The following GALNT18 variants were observed in gnomAD, a reference collection of about 807,000 sequenced individuals.
GALNT18 encodes the protein GalNAc-transferase 18.
Under a neutral mutation model 69.5 loss-of-function variants are expected in GALNT18, and 44 were observed. The observed-to-expected ratio is 0.63, with a 90% CI of 0.50 to 0.81. The LOEUF is 0.81. Among genes scored for constraint, GALNT18 ranks in the 40% least tolerant of loss-of-function variants. The pLI is 0.00. For missense variants in GALNT18, 715 were observed against 810.0 expected (o/e 0.88, Z 1.42); for synonymous variants, 364 against 318.2 (o/e 1.14, Z -1.53).
chr11:11,487,736 A>G (rs952646757), intron 1 of GALNT18, among the ~76,000 whole-genome samples: 1 of 152,182 alleles, frequency 6.6e-6, no homozygotes, highest in Non-Finnish European at 1.5e-5. Flanking sequence ...GCCATGCAAG[A>G]GCTCCAGGTA....
Position 11,483,569 on chromosome 11 carries a change from C to G in GALNT18, c.236-34633G>C, listed in dbSNP as rs146151654. Reference sequence around the variant, plus strand: ...CTGAAAATGTGCCCCCTACCCTGGCCCAGCCTGCTCCTGGCCATCCACACA... The same window carrying G: ...CTGAAAATGTGCCCCCTACCCTGGCGCAGCCTGCTCCTGGCCATCCACACA... On this transcript the variant is annotated intron_variant, in intron 1 of 10. Coordinates refer to ENST00000227756, the MANE Select transcript of GALNT18 (RefSeq NM_198516.3). Among the ~76,000 whole-genome samples the G allele has an allele frequency of 8.5e-4, 129 of 152,284 alleles. 1 individual carries two copies. The South Asian group carries it at 0.016, about 19-fold the overall frequency.
rs1554943800 is a variant in GALNT18 at position 11,497,748 on chromosome 11, T to TTA, written c.236-48813_236-48812insTA. ...AAATGTGTATGTGCATATACATATT[T>TTA]TCTATATATATATATATATACACAC... On this transcript the variant is annotated intron_variant, in intron 1 of 10. Transcript: ENST00000227756. This position sits in a 1 kb window ranked among gnomAD's most constrained non-coding sequence, Gnocchi z 4.2. 4.3e-5 allele frequency among the ~76,000 whole-genome samples: 2 copies of TTA among 46,944 alleles called. No individual in the cohort carries two copies. The highest frequency in any genetic ancestry group is 1.9e-3 in the South Asian group (2 of 1,044). 30.8% of individuals were successfully genotyped at this position (46,944 alleles called of 152,430 possible). A position where few individuals can be genotyped will look rare whatever the true frequency, so the allele number is the denominator to read the frequency against.
chr11:11,501,243 C>T (rs148018888), intron 1 of GALNT18, among the ~76,000 whole-genome samples: 41 of 152,172 alleles, frequency 2.7e-4, no homozygotes, highest in African/African-American at 8.9e-4. Context: ...ACAGCACCCT[C>T]GTGGTTTGTG....
At chr11:11,369,329 T>G (rs1445438077) in intron 6 of GALNT18, among the ~76,000 whole-genome samples, 1 of 152,230 alleles carries the variant, frequency 6.6e-6, no homozygotes, top group East Asian at 1.9e-4. Context: ...GGAAGGATCC[T>G]TCTTTGCCTG....
At chr11:11,522,233 C>T (rs560948639) in intron 1 of GALNT18, among the ~76,000 whole-genome samples, 10 of 152,298 alleles carry the variant, frequency 6.6e-5, no homozygotes, top group East Asian at 5.8e-4. Flanking sequence ...AGGTCAAACA[C>T]ACATCGGTCC....
At position 11,337,983 on chromosome 11, in the gene GALNT18, T is replaced by TTTTG. The variant is rs1554918272; in HGVS notation, c.1278+2835_1278+2836insCAAA. ...AAGATTTTTTTTTTTTTTTTTTTTT[T>TTTTG]GAGACAGTCTCGCTCTGTCACCCAG... On this transcript the variant is annotated intron_variant, in intron 7 of 10. Coordinates refer to ENST00000227756, the MANE Select transcript of GALNT18 (RefSeq NM_198516.3). This position sits in a 1 kb window ranked among gnomAD's most constrained non-coding sequence, Gnocchi z 4.9. Among the ~76,000 whole-genome samples, 1 of 136,396 alleles carries TTTTG rather than the reference T, an allele frequency of 7.3e-6. No homozygotes were observed. The highest frequency in any genetic ancestry group is 1.6e-5 in the Non-Finnish European group (1 of 62,832). 89.5% of individuals were successfully genotyped at this position (136,396 alleles called of 152,430 possible).
chr11:11,351,107 G>A (rs575762007), intron 6 of GALNT18, among the ~76,000 whole-genome samples: 18 of 152,260 alleles, frequency 1.2e-4, no homozygotes, highest in Admixed American at 3.9e-4. Flanking sequence ...GAAGGTGACC[G>A]CTTCCCAATT....
At chr11:11,345,884 G>T (rs2133061775) in intron 6 of GALNT18, among the ~76,000 whole-genome samples, 1 of 152,280 alleles carries the variant, frequency 6.6e-6, no homozygotes, top group African/African-American at 2.4e-5. Flanking sequence ...CACATACGAT[G>T]GTGAGGGCAT....
chr11:11,283,031 G>A (rs1849116510), intron 10 of GALNT18, among the ~76,000 whole-genome samples: 1 of 152,178 alleles, frequency 6.6e-6, no homozygotes, highest in Admixed American at 6.5e-5. Context: ...GCAAGGAGGG[G>A]AGGAGGTGGC....
At chr11:11,428,652 T>A (rs1053437083) in intron 3 of GALNT18, among the ~76,000 whole-genome samples, 12 of 152,178 alleles carry the variant, frequency 7.9e-5, no homozygotes, top group African/African-American at 2.9e-4. Context: ...GGTGCCCACC[T>A]CCCCAGACCC....
intron 9 of GALNT18, among the ~76,000 whole-genome samples, chr11:11,300,048 C>A (rs1252535835): frequency 2.0e-5 from 3 of 152,230 alleles, no homozygotes; most frequent in Non-Finnish European, 4.4e-5. Context: ...GAGGGCCTCC[C>A]AGGCAAATCT....
intron 1 of GALNT18, among the ~76,000 whole-genome samples, chr11:11,510,463 C>A (rs1332111314): frequency 6.9e-6 from 1 of 144,462 alleles, no homozygotes; most frequent in Admixed American, 7.0e-5. Context: ...TCCATGAGTA[C>A]AGCTCATTTC....
intron 1 of GALNT18, among the ~76,000 whole-genome samples, chr11:11,483,826 A>G (rs1695994702): frequency 1.3e-5 from 2 of 152,174 alleles, no homozygotes; most frequent in Non-Finnish European, 2.9e-5. Context: ...TTCAATAAAT[A>G]ATGAGCTCAA....
intron 8 of GALNT18, among the ~76,000 whole-genome samples, chr11:11,330,518 G>A (rs1428510457): frequency 3.3e-5 from 5 of 152,174 alleles, no homozygotes; most frequent in Non-Finnish European, 7.3e-5. Flanking sequence ...AGGCTGGCTG[G>A]GCCCTGAGCA....
At chr11:11,445,509 G>T (rs954414202) in intron 2 of GALNT18, among the ~76,000 whole-genome samples, 1 of 152,236 alleles carries the variant, frequency 6.6e-6, no homozygotes, top group East Asian at 1.9e-4. Flanking sequence ...TACAAGGCAG[G>T]GATGTTTTTA....
intron 1 of GALNT18, among the ~76,000 whole-genome samples, chr11:11,501,916 T>G (rs1856979918): frequency 6.6e-6 from 1 of 152,214 alleles, no homozygotes; most frequent in Admixed American, 6.5e-5. Flanking sequence ...CAAATGCAGC[T>G]TCAGAGAGGC....
In GALNT18 at chr11:11,421,835, T is replaced by C. The variant is rs1855013662; in HGVS notation, c.595+10786A>G. Reference sequence around the variant, plus strand: ...GCCAAAAGGTGCCTTCTCTGGACTATGCAGTTAGAAAAGGCACTTTGGAGA... The same window carrying C: ...GCCAAAAGGTGCCTTCTCTGGACTACGCAGTTAGAAAAGGCACTTTGGAGA... On this transcript the variant is annotated intron_variant, in intron 3 of 10. Coordinates refer to ENST00000227756, the MANE Select transcript of GALNT18 (RefSeq NM_198516.3). The surrounding 1 kb of genome is among the most constrained non-coding windows in gnomAD (Gnocchi z 5.6). Among the ~76,000 whole-genome samples the C allele has an allele frequency of 6.6e-6, 1 of 152,162 alleles. No individual in the cohort carries two copies.
chr11:11,588,010 T>G (rs1859266624), intron 1 of GALNT18, among the ~76,000 whole-genome samples: 1 of 152,082 alleles, frequency 6.6e-6, no homozygotes, highest in African/African-American at 2.4e-5. Flanking sequence ...GTCCTTCTGC[T>G]TGAGGCTCCT....
intron 9 of GALNT18, among the ~76,000 whole-genome samples, chr11:11,294,065 G>T (rs1356083832): frequency 1.3e-5 from 2 of 152,182 alleles, no homozygotes; most frequent in African/African-American, 4.8e-5. Flanking sequence ...TTTCTATGGG[G>T]ACTCATAGGA....
Sources: allele counts gnomAD v4.1 joint callset (sites outside exome capture counted in the v4.1 genomes callset), GRCh38; gene constraint gnomAD v4.1.1; non-coding constraint Gnocchi (gnomAD v3.1); transcripts MANE v1.5; gene names NCBI Gene and HGNC (gene_info 2026-07-23, HGNC 2026-07-21).